Variants in FA2H observed in about 807,000 individuals in gnomAD.
FA2H encodes fatty acid alpha-hydroxylase.
In FA2H, 22 loss-of-function variants were observed where a neutral mutation model predicts 44.9. The observed-to-expected ratio is 0.49, with a 90% CI of 0.35 to 0.70. The LOEUF is 0.70. Among genes scored for constraint, FA2H ranks in the 30% least tolerant of loss-of-function variants. The pLI, the probability that FA2H is intolerant of heterozygous loss-of-function variation, is 0.01. For missense variants in FA2H, 501 were observed against 504.9 expected, an observed-to-expected ratio of 0.99 and a Z score of 0.07; for synonymous variants, 243 against 213.2, an observed-to-expected ratio of 1.14 and a Z score of -1.22.
chr16:74,741,519 C>A lies in FA2H; in HGVS notation c.271-1404G>T, dbSNP rs1007899707. On this transcript the variant is annotated intron_variant, in intron 1 of 6. Coordinates refer to ENST00000219368, the MANE Select transcript of FA2H (RefSeq NM_024306.5). ...ACAGACTCTTGCTCTGTCACCCAGG[C>A]TGGGGTGCAACAGCCCATGCCACCT... Among the ~76,000 whole-genome samples, 4 of 152,132 alleles carry A rather than the reference C, an allele frequency of 2.6e-5. No homozygotes were observed. The East Asian group carries it at 7.7e-4, about 29-fold the overall frequency.
At chr16:74,763,542 G>A (rs1244126817) in intron 1 of FA2H, among the ~76,000 whole-genome samples, 2 of 152,152 alleles carry the variant, frequency 1.3e-5, no homozygotes, top group African/African-American at 2.4e-5. Context: ...ACAGGCGTGC[G>A]CCACCGTGCC....
rs1961620581 is a variant in FA2H at position 74,713,441 on chromosome 16, A to G, written c.*749T>C. ...AGGGGCCTGAGCGGGGTGGAGGCCA[A>G]GAATGGCCAGGGACGGGGTGGGGCT... On this transcript the variant is annotated 3_prime_UTR_variant, in exon 7 of 7. Coordinates refer to ENST00000219368, the MANE Select transcript of FA2H (RefSeq NM_024306.5). 1 of 152,222 alleles carries G rather than the reference A, an allele frequency of 6.6e-6. No individual in the cohort carries two copies. The highest frequency in any genetic ancestry group is 1.5e-5 in the Non-Finnish European group (1 of 68,064). The allele number at this position is 152,222 out of a possible 1,614,324, so 9.4% of individuals were successfully genotyped here.
chr16:74,732,987 G>A (rs1265978817), intron 2 of FA2H, among the ~76,000 whole-genome samples: 1 of 152,206 alleles, frequency 6.6e-6, no homozygotes, highest in African/African-American at 2.4e-5. Context: ...GTTACTCCCT[G>A]GGTAGACCCG....
intron 1 of FA2H, among the ~76,000 whole-genome samples, chr16:74,773,766 C>G (rs1021554675): frequency 6.6e-6 from 1 of 152,218 alleles, no homozygotes. Flanking sequence ...TAAATACCAT[C>G]GGGAGCTGGT....
intron 1 of FA2H, among the ~76,000 whole-genome samples, chr16:74,763,432 A>G (rs1229098103): frequency 6.6e-6 from 1 of 151,984 alleles, no homozygotes; most frequent in Admixed American, 6.6e-5. Flanking sequence ...TAGTTTTTGT[A>G]TTTTTAGTAG....
At chr16:74,773,295 ATTG>A (rs1403735157) in intron 1 of FA2H, among the ~76,000 whole-genome samples, 3 of 152,094 alleles carry the variant, frequency 2.0e-5, no homozygotes, top group East Asian at 1.9e-4. Flanking sequence ...CTATTCTATT[ATTG>A]TTGTTGTTAA....
At chr16:74,748,342 C>T (rs373579296) in intron 1 of FA2H, among the ~76,000 whole-genome samples, 2 of 152,362 alleles carry the variant, frequency 1.3e-5, no homozygotes, top group African/African-American at 2.4e-5. Flanking sequence ...ATCTCCACCA[C>T]AAGCACCTTC....
At chr16:74,764,358 T>G (rs888184897) in intron 1 of FA2H, among the ~76,000 whole-genome samples, 3 of 152,082 alleles carry the variant, frequency 2.0e-5, no homozygotes, top group Admixed American at 2.0e-4. Flanking sequence ...GAAAATGTGG[T>G]ACATATACAC....
intron 2 of FA2H, among the ~76,000 whole-genome samples, chr16:74,734,812 C>T (rs901223235): frequency 1.3e-5 from 2 of 152,188 alleles, no homozygotes; most frequent in Non-Finnish European, 2.9e-5. Flanking sequence ...GGGCAGGCGG[C>T]GGGGGCAGGG....
chr16:74,732,913 TGGTGGGAACAGAGCCCCAGCACAG>T (rs1343108808), intron 2 of FA2H, among the ~76,000 whole-genome samples: 3 of 152,114 alleles, frequency 2.0e-5, no homozygotes, highest in African/African-American at 7.2e-5. Context: ...TTTACAGGTG[TGGTGGGAACAGAGCCCCAGCACAG>T]GGGTCTGTCA....
intron 2 of FA2H, among the ~76,000 whole-genome samples, chr16:74,735,578 G>A (rs1434101500): frequency 1.3e-5 from 2 of 152,236 alleles, no homozygotes; most frequent in Non-Finnish European, 2.9e-5. Flanking sequence ...CCTTAGGGCT[G>A]AAGACGAGCG....
At position 74,716,209 on chromosome 16, in the gene FA2H, G is replaced by A. The variant is rs954614074; in HGVS notation, c.1039+138C>T. The stretch of plus-strand genomic sequence containing the variant: ...TGTCTCTGCACAGCTGTCTGCACCA[G>A]GGAAGAGAGTAGAGGGAACCCTCTG... On this transcript the variant is annotated intron_variant, in intron 6 of 6. Coordinates refer to ENST00000219368, the MANE Select transcript of FA2H (RefSeq NM_024306.5). 10 of 902,100 alleles carry A rather than the reference G, an allele frequency of 1.1e-5. No homozygotes were observed. In the African/African-American group the frequency reaches 1.7e-4, roughly 15 times the overall value. The allele number at this position is 902,100 out of a possible 1,614,324, so 55.9% of individuals were successfully genotyped here.
At chr16:74,741,794 ATATATATATATATATG>A (rs1209099304) in intron 1 of FA2H, among the ~76,000 whole-genome samples, 3 of 76,566 alleles carry the variant, frequency 3.9e-5, no homozygotes, top group African/African-American at 1.6e-4. Context: ...ATATATATAT[ATATATATATATATATG>A]TGTGTGTGTG....
rs188792117 is a variant in FA2H, at chr16:74,723,925, G to A, written c.613+2300C>T. Among the ~76,000 whole-genome samples the A allele has an allele frequency of 2.3e-3, 353 of 151,570 alleles. 2 individuals carry two copies. The highest frequency in any genetic ancestry group is 0.01 in the Middle Eastern group (3 of 288). On this transcript the variant is annotated intron_variant, in intron 4 of 6. Transcript: ENST00000219368. ...ATATTATATTTTCTTTTTTTGAGAC[G>A]GAATCTCACTCTGTCATCCAGGCTA...
chr16:74,774,499 C>A lies in FA2H; in HGVS notation c.257G>T (p.Arg86Leu). The A allele has an allele frequency of 6.5e-7, 1 of 1,538,530 alleles. No homozygotes were observed. The highest frequency in any genetic ancestry group is 8.7e-7 in the Non-Finnish European group (1 of 1,151,176). Residue 86 changes from arginine (R) to leucine (L), a missense_variant, in exon 1 of 7, where the codon CGC (arginine) becomes CTC (leucine). Physicochemically the swap from Arg to Leu is moderately radical, Grantham distance 102. Coordinates refer to ENST00000219368, the MANE Select transcript of FA2H (RefSeq NM_024306.5). ...GCCCGGCTGTACCTGCTGCTCCCCG[C>A]GGAGCTCTCCCACGTAGTACTGCTC... ...WLEQYYVGEL[R>L]GEQQGSMENE...
intron 4 of FA2H, among the ~76,000 whole-genome samples, chr16:74,722,062 G>T (rs965838666): frequency 6.6e-6 from 1 of 152,310 alleles, no homozygotes; most frequent in Admixed American, 6.5e-5. Context: ...TCCATGACTT[G>T]CCAGGCTCCC....
intron 1 of FA2H, among the ~76,000 whole-genome samples, chr16:74,745,799 A>ATTTTTTTTTTTTTTTTTTTT: frequency 1.4e-5 from 1 of 72,428 alleles, no homozygotes; most frequent in Non-Finnish European, 2.8e-5. Flanking sequence ...CTGTCAATGG[A>ATTTTTTTTTTTTTTTTTTTT]TTTTTTTTTT....
chr16:74,768,746 C>G lies in FA2H; in HGVS notation c.270+5740G>C, dbSNP rs146987618. 1.5e-4 allele frequency among the ~76,000 whole-genome samples: 23 copies of G among 152,204 alleles called. No homozygotes were observed. In the South Asian group the frequency reaches 4.6e-3, roughly 30 times the overall value. ...GTCCCTCCCCATTTAATTATTCAAG[C>G]CCTTAAGCTCTGAATGGCCAGAGCC... On this transcript the variant is annotated intron_variant, in intron 1 of 6. Coordinates refer to ENST00000219368, the MANE Select transcript of FA2H (RefSeq NM_024306.5).
intron 5 of FA2H, among the ~76,000 whole-genome samples, chr16:74,717,931 G>C (rs1961743021): frequency 6.6e-6 from 1 of 152,226 alleles, no homozygotes; most frequent in African/African-American, 2.4e-5. Context: ...GCTCTGCAGA[G>C]CAGAGGCCAG....
Sources: gnomAD v4.1 joint callset for allele counts (sites outside exome capture counted in the v4.1 genomes callset) on GRCh38, gnomAD v4.1.1 for gene constraint, MANE v1.5 for transcripts, NCBI Gene and HGNC (gene_info 2026-07-23, HGNC 2026-07-21) for gene names.